CLSTN2: variants seen among roughly 807,000 people sequenced by gnomAD.
CLSTN2 encodes the protein calsyntenin 2, also known as calsyntenin-2.
Under a neutral mutation model 101.2 loss-of-function variants are expected in CLSTN2, and 48 were observed. The observed-to-expected ratio is 0.47, with a 90% CI of 0.38 to 0.60. The LOEUF is 0.60. CLSTN2 is among the 20% of genes least tolerant of loss of function. The pLI is 0.00. For synonymous variants in CLSTN2, 481 were observed against 463.6 expected (o/e 1.04, Z -0.48); for missense variants, 1,160 against 1,238.2 (o/e 0.94, Z 0.95).
chr3:140,051,554 G>A (rs920851412), intron 1 of CLSTN2, among the ~76,000 whole-genome samples: 1 of 152,290 alleles, frequency 6.6e-6, no homozygotes, highest in Admixed American at 6.5e-5. Flanking sequence ...GCTGCAAGGG[G>A]CCAGGAGGAG....
intron 1 of CLSTN2, among the ~76,000 whole-genome samples, chr3:140,012,948 C>G (rs1420819275): frequency 6.7e-6 from 1 of 149,666 alleles, no homozygotes; most frequent in East Asian, 2.0e-4. Flanking sequence ...ACATGAGTGG[C>G]TGTTACAACT....
chr3:140,272,982 G>A (rs149765330), intron 2 of CLSTN2, among the ~76,000 whole-genome samples: 118 of 152,154 alleles, frequency 7.8e-4, no homozygotes, highest in African/African-American at 2.6e-3. Flanking sequence ...CCTCTTTGCC[G>A]CTGTCACTCA....
At chr3:140,455,928 C>T (rs1933387300) in intron 6 of CLSTN2, among the ~76,000 whole-genome samples, 1 of 152,170 alleles carries the variant, frequency 6.6e-6, no homozygotes, top group Non-Finnish European at 1.5e-5. Flanking sequence ...GCCTGCCGCT[C>T]CCCCTCAGCA....
chr3:140,295,233 CA>C (rs1450792830), intron 2 of CLSTN2, among the ~76,000 whole-genome samples: 1 of 152,018 alleles, frequency 6.6e-6, no homozygotes. Context: ...ATTGGCTGTT[CA>C]TATTTTTTCT....
rs376876525 is a variant in CLSTN2 at position 140,559,165 on chromosome 3, GA to G, written c.2041+321del. Among the ~76,000 whole-genome samples the G allele has an allele frequency of 7.7e-3, 1,020 of 132,670 alleles. 10 individuals carry two copies. Among genetic ancestry groups the G allele is most frequent in the African/African-American group, 0.023 (842 of 36,240 alleles). 87.0% of individuals were successfully genotyped at this position (132,670 alleles called of 152,430 possible). On this transcript the variant is annotated intron_variant, in intron 12 of 16. Transcript: ENST00000458420. ...ACATAGAATGATCTCAACCATTTAA[GA>G]AAAAAAAAAAAACACAGAAAAATGC...
chr3:140,410,095 T>G (rs936003648), intron 4 of CLSTN2, among the ~76,000 whole-genome samples: 2 of 152,064 alleles, frequency 1.3e-5, no homozygotes, highest in Admixed American at 6.6e-5. Context: ...TTGGGGGTAT[T>G]TATATGGCTA....
intron 6 of CLSTN2, chr3:140,454,850 C>T (rs1428348740): frequency 6.6e-6 from 1 of 152,214 alleles, no homozygotes; most frequent in African/African-American, 2.4e-5. Context: ...TTTCATCTAT[C>T]AGAGCAAGTC....
intron 5 of CLSTN2, among the ~76,000 whole-genome samples, chr3:140,432,351 G>A (rs11923304): frequency 0.065 from 9,858 of 152,228 alleles, 393 homozygotes; most frequent in Non-Finnish European, 0.086. Flanking sequence ...GAACAGCAGC[G>A]CTTTTTAGTT....
intron 2 of CLSTN2, among the ~76,000 whole-genome samples, chr3:140,337,041 C>G (rs1330133946): frequency 6.6e-6 from 1 of 152,224 alleles, no homozygotes; most frequent in Non-Finnish European, 1.5e-5. Flanking sequence ...CGCTGCATCA[C>G]TTGATGCTCA....
Position 139,935,438 on chromosome 3 carries a change from G to T in CLSTN2, c.64G>T (p.Gly22Cys). Residue 22 changes from glycine to cysteine, a missense_variant, in exon 1 of 17, where the codon GGC (glycine) becomes TGC (cysteine). By Grantham distance (159) the Gly-to-Cys change is radical. Transcript: ENST00000458420. This position sits in a 1 kb window ranked among gnomAD's most constrained non-coding sequence, Gnocchi z 5.5. ...GGCGCTGGGCGTGGGGAGCGGCAGCGGCGGTGGCGGGGACAGCCGGCAGCG... is the reference window on the plus strand; with the variant it reads ...GGCGCTGGGCGTGGGGAGCGGCAGCTGCGGTGGCGGGGACAGCCGGCAGCG... ...LLALGVGSGS[G>C]GGGDSRQRRL... 8.1e-7 allele frequency: 1 copy of T among 1,231,648 alleles called. No homozygotes were observed. Among genetic ancestry groups the T allele is most frequent in the Non-Finnish European group, 1.0e-6 (1 of 987,486 alleles). 76.3% of individuals were successfully genotyped at this position (1,231,648 alleles called of 1,614,324 possible).
chr3:140,116,037 T>G (rs892622737), intron 1 of CLSTN2, among the ~76,000 whole-genome samples: 7 of 152,144 alleles, frequency 4.6e-5, no homozygotes, highest in African/African-American at 1.7e-4. Flanking sequence ...GGTACATTGG[T>G]GCCTGATGTC....
intron 3 of CLSTN2, among the ~76,000 whole-genome samples, 176 bp downstream of exon 3, chr3:140,404,000 C>T (rs917387765): frequency 6.6e-6 from 1 of 152,234 alleles, no homozygotes; most frequent in Non-Finnish European, 1.5e-5. Flanking sequence ...CTGCTTTCCA[C>T]ACCTGCAATA....
chr3:140,121,280 G>A (rs1294798088), intron 1 of CLSTN2, among the ~76,000 whole-genome samples: 1 of 152,144 alleles, frequency 6.6e-6, no homozygotes, highest in Non-Finnish European at 1.5e-5. Flanking sequence ...GAGAGCTGGG[G>A]CCATAACACC....
chr3:140,448,685 A>G lies in CLSTN2; in HGVS notation c.954A>G (p.Lys318=). 6.2e-7 allele frequency: 1 copy of G among 1,612,512 alleles called. No individual in the cohort carries two copies. The highest frequency in any genetic ancestry group is 1.1e-5 in the South Asian group (1 of 90,926). Residue 318 remains lysine (K), a synonymous_variant, in exon 6 of 17, where the codon AAA becomes AAG. Transcript: ENST00000458420. ...KGCDRETYSE[K]SLQKLCGASS... is the part of the protein sequence containing the mutation. The stretch of plus-strand genomic sequence containing the variant: ...GTGACCGGGAGACCTACTCTGAGAA[A>G]TCCCTTCAAAAGTTATGTGGTAGGT...
intron 2 of CLSTN2, among the ~76,000 whole-genome samples, chr3:140,376,269 A>G (rs1469170485): frequency 1.3e-5 from 2 of 152,224 alleles, no homozygotes; most frequent in Non-Finnish European, 2.9e-5. Flanking sequence ...TCAGTTTTCA[A>G]CTTCTAACCT....
chr3:140,263,646 T>C (rs2086672026), intron 2 of CLSTN2, among the ~76,000 whole-genome samples: 1 of 152,216 alleles, frequency 6.6e-6, no homozygotes, highest in Non-Finnish European at 1.5e-5. Flanking sequence ...AACTTACATC[T>C]CTTCCCTTTT....
intron 1 of CLSTN2, among the ~76,000 whole-genome samples, chr3:139,954,411 G>A (rs983036951): frequency 1.3e-5 from 2 of 152,170 alleles, no homozygotes; most frequent in African/African-American, 4.8e-5. Context: ...GCTGTGCTGT[G>A]TTCTGCAGCT....
intron 2 of CLSTN2, among the ~76,000 whole-genome samples, chr3:140,350,223 C>A (rs1431111390): frequency 6.6e-6 from 1 of 152,342 alleles, no homozygotes; most frequent in Middle Eastern, 3.4e-3. Flanking sequence ...CCAAATCTTT[C>A]TTTAATGGTG....
At chr3:140,206,758 C>T (rs2010788070) in intron 2 of CLSTN2, among the ~76,000 whole-genome samples, 2 of 152,188 alleles carry the variant, frequency 1.3e-5, no homozygotes, top group Admixed American at 1.3e-4. Context: ...TGTACTTGCC[C>T]TGTTAGAATC....
Sources: allele counts gnomAD v4.1 joint callset (sites outside exome capture counted in the v4.1 genomes callset), GRCh38; gene constraint gnomAD v4.1.1; non-coding constraint Gnocchi (gnomAD v3.1); transcripts MANE v1.5; gene names NCBI Gene and HGNC (gene_info 2026-07-23, HGNC 2026-07-21).